Variants in IQCJ observed in about 807,000 individuals in gnomAD.
IQCJ encodes IQ motif containing J.
IQCJ carries 9 observed loss-of-function variants against 11.0 expected under a neutral mutation model. The observed-to-expected ratio is 0.82, with a 90% CI of 0.49 to 1.43. The LOEUF is 1.43. Ranked by LOEUF, IQCJ falls within the 40% of genes most tolerant of loss-of-function variation. The pLI, the probability that IQCJ is intolerant of heterozygous loss-of-function variation, is 0.00. For synonymous variants in IQCJ, 55 were observed against 51.3 expected (o/e 1.07, Z -0.31); for missense variants, 146 against 133.2 (o/e 1.10, Z -0.47).
chr3:159,094,422 C>CT (rs71302258), intron 1 of IQCJ, among the ~76,000 whole-genome samples: 1,732 of 71,682 alleles, frequency 0.024, 49 homozygotes, highest in Admixed American at 0.04. Flanking sequence ...ACAGGATCTG[C>CT]TTTTTTTTTT....
At chr3:159,125,542 G>A (rs933141307) in intron 1 of IQCJ, among the ~76,000 whole-genome samples, 4 of 152,232 alleles carry the variant, frequency 2.6e-5, no homozygotes, top group African/African-American at 9.6e-5. Flanking sequence ...GACACTGGAT[G>A]TGGGGTATAT....
chr3:159,248,725 A>G (rs555786033), intron 2 of IQCJ, among the ~76,000 whole-genome samples: 1 of 152,224 alleles, frequency 6.6e-6, no homozygotes, highest in Non-Finnish European at 1.5e-5. Flanking sequence ...GAGAACCAGT[A>G]GTGAAAATAT....
intron 1 of IQCJ, among the ~76,000 whole-genome samples, chr3:159,202,874 G>T (rs1724435004): frequency 6.6e-6 from 1 of 152,074 alleles, no homozygotes; most frequent in Admixed American, 6.5e-5. Context: ...TTCACAGATT[G>T]CTGGGTGTGC....
rs535291183 is a variant in IQCJ at position 159,128,959 on chromosome 3, CT to C, written c.9+59526del. 3.6e-3 allele frequency among the ~76,000 whole-genome samples: 552 copies of C among 152,052 alleles called. 4 individuals carry two copies. Among genetic ancestry groups the C allele is most frequent in the African/African-American group, 0.012 (517 of 41,482 alleles). On this transcript the variant is annotated intron_variant, in intron 1 of 3. Transcript: ENST00000397832. ...ATCCTGTTTCTTCAGAACTCTATTTCTTTTTTTTATCCCTATCTCTGTTTGC... is the reference window on the plus strand; with the variant it reads ...ATCCTGTTTCTTCAGAACTCTATTTCTTTTTTTATCCCTATCTCTGTTTGC...
rs185620286 is a variant in IQCJ at position 159,171,538 on chromosome 3, C to T, written c.10-74305C>T. 9.9e-5 allele frequency among the ~76,000 whole-genome samples: 15 copies of T among 152,240 alleles called. No homozygotes were observed. The East Asian group carries it at 2.5e-3, about 26-fold the overall frequency. ...TGATGCTGCAGATTCAAGAATCATG[C>T]GTCAATCAGCCCTGCTTCAGACTAG... On this transcript the variant is annotated intron_variant, in intron 1 of 3. Transcript: ENST00000397832.
chr3:159,086,055 A>T (rs536799116), intron 1 of IQCJ, among the ~76,000 whole-genome samples: 1 of 152,328 alleles, frequency 6.6e-6, no homozygotes, highest in East Asian at 1.9e-4. Flanking sequence ...TTTAGATCTA[A>T]CATTTAAGCC....
intron 1 of IQCJ, among the ~76,000 whole-genome samples, chr3:159,085,577 C>T (rs1455388207): frequency 6.8e-6 from 1 of 146,670 alleles, no homozygotes. Flanking sequence ...TCTCCAGCAC[C>T]TGTTGTTTCC....
At chr3:159,225,993 T>C (rs77231921) in intron 1 of IQCJ, among the ~76,000 whole-genome samples, 5,029 of 152,228 alleles carry the variant, frequency 0.033, 257 homozygotes, top group African/African-American at 0.12. Context: ...ACACAATTCA[T>C]AAATAGCCAA....
chr3:159,202,276 A>T (rs1724395450), intron 1 of IQCJ, among the ~76,000 whole-genome samples: 1 of 152,232 alleles, frequency 6.6e-6, no homozygotes, highest in Non-Finnish European at 1.5e-5. Context: ...AAACAAGAAC[A>T]GTTGCCAGCC....
chr3:159,088,284 C>T (rs1002218266), intron 1 of IQCJ, among the ~76,000 whole-genome samples: 173 of 152,100 alleles, frequency 1.1e-3, no homozygotes, highest in Admixed American at 4.6e-3. Context: ...GTCTGAGAGA[C>T]AGTTTGTTAT....
chr3:159,255,950 G>T (rs140652158), intron 3 of IQCJ, among the ~76,000 whole-genome samples: 37 of 152,298 alleles, frequency 2.4e-4, no homozygotes, highest in East Asian at 2.1e-3. Context: ...GAGCCTTAAG[G>T]CTGGAACAAG....
rs768236196 is a variant in IQCJ at position 159,263,288 on chromosome 3, A to T, written c.*557A>T. On this transcript the variant is annotated 3_prime_UTR_variant, in exon 4 of 4. Coordinates refer to ENST00000397832, the MANE Select transcript of IQCJ (RefSeq NM_001042706.3). ...CCAAATGTGATTTTCTTTCTTCAGG[A>T]CATGTCAGAAATCTGCATTTTTAAG... The T allele has an allele frequency of 2.7e-6, 1 of 365,882 alleles. No individual in the cohort carries two copies. Among genetic ancestry groups the T allele is most frequent in the Non-Finnish European group, 3.8e-6 (1 of 264,004 alleles). The allele number at this position is 365,882 out of a possible 1,614,324, so 22.7% of individuals were successfully genotyped here.
chr3:159,089,653 G>A (rs28881199), intron 1 of IQCJ, among the ~76,000 whole-genome samples: 14,430 of 151,264 alleles, frequency 0.095, 1,194 homozygotes, highest in East Asian at 0.35. Flanking sequence ...TTCCCTTCTC[G>A]CTTCATTTCA....
chr3:159,197,724 C>G (rs904426287), intron 1 of IQCJ, among the ~76,000 whole-genome samples: 1 of 151,954 alleles, frequency 6.6e-6, no homozygotes, highest in African/African-American at 2.4e-5. Context: ...GATGGGGGAA[C>G]TGAGACAAAC....
intron 1 of IQCJ, among the ~76,000 whole-genome samples, chr3:159,170,300 G>A (rs1357642471): frequency 6.6e-6 from 1 of 152,058 alleles, no homozygotes; most frequent in Non-Finnish European, 1.5e-5. Flanking sequence ...ATATTGGAAA[G>A]CAAGGAGGAA....
At position 159,262,585 on chromosome 3, in the gene IQCJ, G is replaced by C; in HGVS notation, c.193G>C (p.Glu65Gln). ...RAWREYLQRQ[E>Q]PLGKRSPSPP... ...ATGGCGAGAGTACCTGCAGCGGCAG[G>C]AGCCCCTGGGGAAGAGGAGCCCGTC... The change falls in exon 4 of 4, where the codon GAG becomes CAG. Residue 65 changes from glutamate to glutamine, a missense_variant. Physicochemically the swap from Glu to Gln is conservative, Grantham distance 29. Coordinates refer to ENST00000397832, the MANE Select transcript of IQCJ (RefSeq NM_001042706.3). 6.2e-7 allele frequency: 1 copy of C among 1,613,844 alleles called. No individual in the cohort carries two copies. Among genetic ancestry groups the C allele is most frequent in the East Asian group, 2.2e-5 (1 of 44,884 alleles).
Position 159,089,378 on chromosome 3 carries a change from G to A in IQCJ, c.9+19937G>A, listed in dbSNP as rs1370194167. ...TTTTTTCCTTCATTTCAACTTTGGT[G>A]AATCTGACAATTATGTGTCTTGGAG... On this transcript the variant is annotated intron_variant, in intron 1 of 3. Transcript: ENST00000397832. Among the ~76,000 whole-genome samples, 8 of 152,132 alleles carry A rather than the reference G, an allele frequency of 5.3e-5. No homozygotes were observed. The South Asian group carries it at 1.7e-3, about 32-fold the overall frequency.
At chr3:159,186,843 G>A (rs548992679) in intron 1 of IQCJ, among the ~76,000 whole-genome samples, 6 of 152,224 alleles carry the variant, frequency 3.9e-5, no homozygotes, top group Non-Finnish European at 5.9e-5. Flanking sequence ...CTGCTGGTGA[G>A]AGAAAACGGG....
intron 1 of IQCJ, among the ~76,000 whole-genome samples, chr3:159,082,828 G>A (rs1485852974): frequency 6.6e-6 from 1 of 152,120 alleles, no homozygotes; most frequent in East Asian, 1.9e-4. Context: ...GGGAGGACAT[G>A]AAAAGGAAGA....
Sources: gnomAD v4.1 joint callset for allele counts (sites outside exome capture counted in the v4.1 genomes callset) on GRCh38, gnomAD v4.1.1 for gene constraint, MANE v1.5 for transcripts, NCBI Gene and HGNC (gene_info 2026-07-23, HGNC 2026-07-21) for gene names.